TTPA: variants seen among roughly 807,000 people sequenced by gnomAD.
TTPA encodes the protein alpha-tocopherol transfer protein.
Under a neutral mutation model 25.9 loss-of-function variants are expected in TTPA, and 23 were observed. That is an observed-to-expected ratio of 0.89 (90% confidence interval 0.64 to 1.26). TTPA has a LOEUF of 1.26. Ranked by LOEUF, TTPA falls within the 50% of genes most tolerant of loss-of-function variation. The pLI, the probability that TTPA is intolerant of heterozygous loss-of-function variation, is 0.00. For synonymous variants in TTPA, 148 were observed against 137.3 expected (o/e 1.08, Z -0.54); for missense variants, 337 against 353.1 (o/e 0.95, Z 0.37).
At chr8:63,069,104 G>A (rs1805442518) in intron 2 of TTPA, among the ~76,000 whole-genome samples, 4 of 151,922 alleles carry the variant, frequency 2.6e-5, no homozygotes, top group African/African-American at 9.7e-5. Context: ...GTAGTGAGTC[G>A]AGATGGCCCA....
chr8:63,071,264 A>G (rs1326244892), intron 2 of TTPA, among the ~76,000 whole-genome samples: 1 of 152,214 alleles, frequency 6.6e-6, no homozygotes, highest in African/African-American at 2.4e-5. Context: ...AAATCATTTT[A>G]CTCGATCTTC....
chr8:63,069,219 C>A (rs1259976367), intron 2 of TTPA, among the ~76,000 whole-genome samples: 1 of 150,948 alleles, frequency 6.6e-6, no homozygotes, highest in African/African-American at 2.4e-5. Flanking sequence ...AGAATTTGAA[C>A]AATCAACCCA....
chr8:63,073,235 T>C (rs1805511401), intron 1 of TTPA, 147 bp from the exon 2 acceptor site: 1 of 707,122 alleles, frequency 1.4e-6, no homozygotes, highest in Non-Finnish European at 2.4e-6. Context: ...CTGTGAAAAC[T>C]GAAAGTTCTT....
intron 1 of TTPA, among the ~76,000 whole-genome samples, chr8:63,076,986 G>C (rs1349713952): frequency 6.6e-6 from 1 of 151,906 alleles, no homozygotes; most frequent in East Asian, 1.9e-4. Context: ...TTTTGGACAA[G>C]AGAAGAGATT....
intron 1 of TTPA, among the ~76,000 whole-genome samples, chr8:63,083,103 G>T (rs1279286131): frequency 6.6e-6 from 1 of 152,194 alleles, no homozygotes; most frequent in Non-Finnish European, 1.5e-5. Context: ...TCTAGAACTA[G>T]AAATACCATT....
rs34258920 is a variant in TTPA, at chr8:63,066,063, G to A, written c.393C>T (p.Asp131=). 2.0e-5 allele frequency: 32 copies of A among 1,607,564 alleles called. No individual in the cohort carries two copies. In the East Asian group the frequency reaches 4.3e-4, roughly 21 times the overall value. The part of the protein sequence containing the change: ...HWDPKVFTAY[D]VFRVSLITSE... ...ATGTGATTAGACTTACTCGAAATAC[G>A]TCATAAGCTGTAAAAACTTTGGGGT... is the stretch of plus-strand genomic sequence containing the variant. Residue 131 remains aspartate (D), a synonymous_variant, in exon 3 of 5, where the codon GAC becomes GAT. Coordinates refer to ENST00000260116, the MANE Select transcript of TTPA (RefSeq NM_000370.3).
chr8:63,063,224 G>A (rs1392724598), intron 4 of TTPA, among the ~76,000 whole-genome samples: 5 of 152,162 alleles, frequency 3.3e-5, no homozygotes, highest in Non-Finnish European at 2.9e-5. Context: ...GCCAATGTTT[G>A]TCTAAATAGA....
chr8:63,083,402 T>C (rs1472122589), intron 1 of TTPA, among the ~76,000 whole-genome samples: 1 of 152,074 alleles, frequency 6.6e-6, no homozygotes, highest in South Asian at 2.1e-4. Flanking sequence ...AACCAAACAC[T>C]GCATGTTCTC....
chr8:63,082,059 A>C (rs888101503), intron 1 of TTPA, among the ~76,000 whole-genome samples: 4 of 152,218 alleles, frequency 2.6e-5, no homozygotes, highest in African/African-American at 9.6e-5. Flanking sequence ...GAAAATGGCC[A>C]TACTGCCCAA....
chr8:63,075,212 T>C (rs1326079954), intron 1 of TTPA, among the ~76,000 whole-genome samples: 1 of 152,240 alleles, frequency 6.6e-6, no homozygotes, highest in African/African-American at 2.4e-5. Context: ...GTGTCTGTTT[T>C]GCAAACATTA....
intron 4 of TTPA, among the ~76,000 whole-genome samples, chr8:63,062,072 G>A (rs1440473984): frequency 6.6e-6 from 1 of 152,058 alleles, no homozygotes; most frequent in African/African-American, 2.4e-5. Flanking sequence ...GTGCAGGACT[G>A]TAGTCCCAGA....
chr8:63,065,251 T>A (rs1276596933), intron 3 of TTPA, among the ~76,000 whole-genome samples: 1 of 152,208 alleles, frequency 6.6e-6, no homozygotes, highest in African/African-American at 2.4e-5. Context: ...GAATTCTCAC[T>A]TCACTACTGG....
At chr8:63,078,440 A>C (rs551924559) in intron 1 of TTPA, among the ~76,000 whole-genome samples, 4 of 152,208 alleles carry the variant, frequency 2.6e-5, no homozygotes, top group Non-Finnish European at 5.9e-5. Flanking sequence ...AAATCCTTGA[A>C]AAAAGGTTAA....
intron 3 of TTPA, 139 bp downstream of exon 3, chr8:63,065,765 G>T: frequency 1.1e-6 from 1 of 946,292 alleles, no homozygotes; most frequent in Non-Finnish European, 1.6e-6. Flanking sequence ...TCTTAGCATT[G>T]TTGAATTCTA....
intron 1 of TTPA, among the ~76,000 whole-genome samples, chr8:63,078,060 C>A (rs1029475572): frequency 1.3e-5 from 2 of 152,180 alleles, no homozygotes; most frequent in Non-Finnish European, 2.9e-5. Flanking sequence ...GAATGGACCT[C>A]CAGCAAACTC....
At chr8:63,075,680 C>T (rs1378054572) in intron 1 of TTPA, among the ~76,000 whole-genome samples, 1 of 122,242 alleles carries the variant, frequency 8.2e-6, no homozygotes, top group Non-Finnish European at 1.6e-5. Flanking sequence ...GCCTGGGCGA[C>T]AGAGCCAGAC....
At chr8:63,070,781 A>G (rs1417670155) in intron 2 of TTPA, among the ~76,000 whole-genome samples, 3 of 152,202 alleles carry the variant, frequency 2.0e-5, no homozygotes, top group African/African-American at 7.2e-5. Flanking sequence ...ACTAGACACA[A>G]TAAAATCTAG....
At chr8:63,070,655 A>G (rs1013353968) in intron 2 of TTPA, among the ~76,000 whole-genome samples, 1 of 152,202 alleles carries the variant, frequency 6.6e-6, no homozygotes, top group African/African-American at 2.4e-5. Context: ...GAGGCCCAGA[A>G]AAATACCCCT....
At chr8:63,074,635 C>T (rs1162288146) in intron 1 of TTPA, among the ~76,000 whole-genome samples, 2 of 152,184 alleles carry the variant, frequency 1.3e-5, no homozygotes, top group Non-Finnish European at 1.5e-5. Flanking sequence ...CTTCCTCCTC[C>T]AGTCTTAGGG....
Sources: allele counts gnomAD v4.1 joint callset (sites outside exome capture counted in the v4.1 genomes callset), GRCh38; gene constraint gnomAD v4.1.1; transcripts MANE v1.5; gene names NCBI Gene and HGNC (gene_info 2026-07-23, HGNC 2026-07-21).